Variants in CCDC22 observed in about 807,000 individuals in gnomAD.
CCDC22 encodes coiled-coil domain-containing protein 22.
A neutral mutation model predicts 53.1 loss-of-function variants in CCDC22; 4 were observed. The observed-to-expected ratio is 0.08, with a 90% CI of 0.04 to 0.17. The LOEUF (loss-of-function observed/expected upper bound fraction) is 0.17, where lower values mean the gene tolerates loss of function less well. CCDC22 is among the 10% of genes least tolerant of loss of function. The pLI, the probability that CCDC22 is intolerant of heterozygous loss-of-function variation, is 1.00. For synonymous variants in CCDC22, 222 were observed against 224.4 expected, an observed-to-expected ratio of 0.99 and a Z score of 0.10; for missense variants, 458 against 554.0, an observed-to-expected ratio of 0.83 and a Z score of 1.74.
rs1417354085 is a variant in CCDC22, at chrX:49,248,396, T to TC, written c.1213-6dup. The TC allele has an allele frequency of 1.2e-5, 15 of 1,205,502 alleles. No individual in the cohort carries two copies. The highest frequency in any genetic ancestry group is 1.7e-5 in the Non-Finnish European group (15 of 893,182). On this transcript the variant is annotated splice_polypyrimidine_tract_variant and intron_variant, in intron 10 of 16. Transcript: ENST00000376227. ...GCCCAGCCTGTGTGACATGTACCCA[T>TC]CCCCCACCAGCTTGTGGTGGAGAAT...
intron 3 of CCDC22, chrX:49,242,448 T>C: frequency 3.2e-6 from 1 of 317,111 alleles, no homozygotes; most frequent in Non-Finnish European, 4.2e-6. Context: ...TCCTGGGTGC[T>C]ACTCAAACAT....
chrX:49,249,024 C>G (rs1483611171), intron 13 of CCDC22, 100 bp downstream of exon 13: 4 of 1,137,143 alleles, frequency 3.5e-6, no homozygotes, highest in Non-Finnish European at 4.7e-6. Context: ...TCCAGTCACA[C>G]TCTAACACAG....
At chrX:49,249,446 T>A in intron 14 of CCDC22, 63 bp from the exon 15 acceptor site, 7 of 1,091,280 alleles carry the variant, frequency 6.4e-6, no homozygotes, top group Non-Finnish European at 7.6e-6. Context: ...GGTGGCCTTC[T>A]TAGGGCATGG....
Position 49,249,702 on chromosome X carries a change from G to A in CCDC22, c.1747G>A (p.Glu583Lys). The A allele has an allele frequency of 8.3e-7, 1 of 1,209,723 alleles. No homozygotes were observed. Among genetic ancestry groups the A allele is most frequent in the Non-Finnish European group, 1.1e-6 (1 of 894,784 alleles). Residue 583 changes from glutamate (E) to lysine (K), a missense_variant, in exon 16 of 17, where the codon GAG (glutamate) becomes AAG (lysine). By Grantham distance (56) the Glu-to-Lys change is moderately conservative. This residue lies in a region of CCDC22 where 46 missense variants were observed against 52.3 expected (regional missense o/e 0.88). Coordinates refer to ENST00000376227, the MANE Select transcript of CCDC22 (RefSeq NM_014008.5). ...CGAGGACACAGGCACCATCATGCGGGAGGTTCGAGACCTCGAGGAGCAGGT... is the reference window on the plus strand; with the variant it reads ...CGAGGACACAGGCACCATCATGCGGAAGGTTCGAGACCTCGAGGAGCAGGT... Reference protein sequence around the residue: ...TIEDTGTIMREVRDLEEQIET... With the variant: ...TIEDTGTIMRKVRDLEEQIET...
Position 49,242,027 on chromosome X carries a change from T to C in CCDC22, c.240T>C (p.Tyr80=), listed in dbSNP as rs782205732. The change falls in exon 3 of 17, where the codon TAT becomes TAC. Residue 80 remains tyrosine, a synonymous_variant. Coordinates refer to ENST00000376227, the MANE Select transcript of CCDC22 (RefSeq NM_014008.5). ...CCACCAACCCTCAGGACCTGGGCTA[T>C]CCCTTGGAGCTTGGCTATCAGAACT... The part of the protein sequence containing the change: ...SLAQACMDLG[Y]PLELGYQNFL... 2.3e-5 allele frequency: 28 copies of C among 1,207,767 alleles called. 1 individual carries two copies. The highest frequency in any genetic ancestry group is 1.5e-4 in the East Asian group (5 of 33,626).
intron 9 of CCDC22, 138 bp from the exon 10 acceptor site, chrX:49,248,053 A>G: frequency 9.1e-7 from 1 of 1,096,011 alleles, no homozygotes; most frequent in South Asian, 2.0e-5. Flanking sequence ...GTCTGCATGG[A>G]CAGGGGATTA....
intron 2 of CCDC22, among the ~76,000 whole-genome samples, chrX:49,240,083 T>G (rs2065956188): frequency 1.9e-5 from 2 of 105,842 alleles, no homozygotes; most frequent in African/African-American, 6.9e-5. Context: ...GACCCCCATC[T>G]CTACAAAAAA....
chrX:49,237,644 C>T (rs1336022163), intron 2 of CCDC22, among the ~76,000 whole-genome samples: 1 of 111,470 alleles, frequency 9.0e-6, no homozygotes, highest in Non-Finnish European at 1.9e-5. Context: ...CAAAATACCA[C>T]CCCCACCCCA....
Position 49,235,712 on chromosome X carries a change from C to A in CCDC22, c.50+26C>A, listed in dbSNP as rs200588330. The A allele has an allele frequency of 8.5e-4, 976 of 1,151,364 alleles. 1 individual carries two copies. The highest frequency in any genetic ancestry group is 5.4e-4 in the Non-Finnish European group (461 of 857,320). 94.9% of individuals were successfully genotyped at this position (1,151,364 alleles called of 1,213,427 possible). On this transcript the variant is annotated intron_variant, in intron 1 of 16. Coordinates refer to ENST00000376227, the MANE Select transcript of CCDC22 (RefSeq NM_014008.5). ...GTAAGGACAGAGCCCCCGCCCACCC[C>A]CGAAGCCCACATCCGGGACTCTAAA...
At chrX:49,236,995 C>A in intron 1 of CCDC22, 91 bp from the exon 2 acceptor site, 1 of 833,668 alleles carries the variant, frequency 1.2e-6, no homozygotes, top group Non-Finnish European at 1.7e-6. Context: ...CCTGCCCCGA[C>A]CCTGGTACTA....
At chrX:49,238,048 G>A (rs1157127252) in intron 2 of CCDC22, among the ~76,000 whole-genome samples, 8 of 106,281 alleles carry the variant, frequency 7.5e-5, no homozygotes, top group African/African-American at 2.4e-4. Context: ...GTGAGCCACC[G>A]TGCCCAGCCT....
intron 6 of CCDC22, among the ~76,000 whole-genome samples, chrX:49,244,599 C>T (rs1476857758): frequency 9.1e-6 from 1 of 110,230 alleles, no homozygotes; most frequent in African/African-American, 3.3e-5. Flanking sequence ...CTCGCTCTGT[C>T]ACCCAGGCTG....
chrX:49,246,419 C>T (rs1486170042), intron 6 of CCDC22, among the ~76,000 whole-genome samples: 2 of 112,192 alleles, frequency 1.8e-5, no homozygotes, highest in South Asian at 3.7e-4. Context: ...CCCTGTCCCC[C>T]GATATCCTGT....
At chrX:49,247,430 T>C in intron 7 of CCDC22, 66 bp from the exon 8 acceptor site, 1 of 1,057,379 alleles carries the variant, frequency 9.5e-7, no homozygotes, top group Non-Finnish European at 1.3e-6. Flanking sequence ...CAGGGGAGGC[T>C]GAGGCTGGGC....
intron 2 of CCDC22, among the ~76,000 whole-genome samples, chrX:49,238,081 T>C (rs1315854313): frequency 4.9e-5 from 5 of 102,091 alleles, no homozygotes; most frequent in Admixed American, 2.1e-4. Context: ...TTTTCTTTTT[T>C]TTTTTTTTTT....
chrX:49,247,609 G>C (rs1557114443), intron 8 of CCDC22, 40 bp from the exon 9 acceptor site: 2 of 1,185,930 alleles, frequency 1.7e-6, no homozygotes, highest in Non-Finnish European at 2.3e-6. Flanking sequence ...CTTGTCTACT[G>C]GGCCTGACAC....
chrX:49,242,951 G>A lies in CCDC22; in HGVS notation c.427G>A (p.Val143Ile), dbSNP rs145976849. Residue 143 changes from valine (V) to isoleucine (I), a missense_variant, in exon 4 of 17, where the codon GTC becomes ATC. Val to Ile is a conservative substitution (Grantham distance 29). Transcript: ENST00000376227. The part of the protein sequence containing the change: ...QIRDQLALPW[V>I]PPHLRTPKLQ... ...TCGGGACCAGCTGGCACTGCCTTGG[G>A]TCCCGCCCCACCTTCGCACTCCCAA... 1.1e-4 allele frequency: 127 copies of A among 1,165,757 alleles called. No homozygotes were observed. The highest frequency in any genetic ancestry group is 7.7e-5 in the Non-Finnish European group (67 of 871,800).
intron 6 of CCDC22, among the ~76,000 whole-genome samples, chrX:49,243,849 C>T (rs781945152): frequency 7.1e-5 from 8 of 112,393 alleles, no homozygotes; most frequent in African/African-American, 2.6e-4. Context: ...AGTGCAGTGG[C>T]GTGATCTCAG....
chrX:49,247,072 A>T (rs1557114342), intron 7 of CCDC22, 147 bp downstream of exon 7: 2 of 515,784 alleles, frequency 3.9e-6, no homozygotes, highest in Non-Finnish European at 3.3e-6. Context: ...GGGTACCCAG[A>T]GGGGTCCCCT....
Sources: gnomAD v4.1 joint callset for allele counts (sites outside exome capture counted in the v4.1 genomes callset) on GRCh38, gnomAD v4.1.1 for gene constraint, gnomAD v4.1.1 regional missense constraint, MANE v1.5 for transcripts, NCBI Gene and HGNC (gene_info 2026-07-23, HGNC 2026-07-21) for gene names.